EFCAB11: variants seen among roughly 807,000 people sequenced by gnomAD.
EFCAB11 encodes the protein EF-hand calcium-binding domain-containing protein 11.
EFCAB11 carries 14 observed loss-of-function variants against 23.0 expected under a neutral mutation model. The ratio of observed to expected loss-of-function variants is 0.61; its 90% CI spans 0.40 to 0.95. The LOEUF (loss-of-function observed/expected upper bound fraction) is 0.95, where lower values mean the gene tolerates loss of function less well. EFCAB11 is among the 40% of genes least tolerant of loss of function. The pLI is 0.00. For synonymous variants in EFCAB11, 65 were observed against 66.6 expected (o/e 0.98, Z 0.11); for missense variants, 198 against 195.8 (o/e 1.01, Z -0.07).
At chr14:89,840,622 C>T (rs924571472) in intron 5 of EFCAB11, among the ~76,000 whole-genome samples, 5 of 152,066 alleles carry the variant, frequency 3.3e-5, no homozygotes, top group Admixed American at 2.6e-4. Context: ...CATTCATCTG[C>T]TTTTTTTCAA....
At chr14:89,836,549 C>G (rs1364162943) in intron 5 of EFCAB11, 1 of 456,528 alleles carries the variant, frequency 2.2e-6, no homozygotes, top group Admixed American at 2.4e-5. Context: ...GGGAGCAGGG[C>G]TAGGGACCAG....
At chr14:89,903,579 G>T (rs1238864615) in intron 5 of EFCAB11, among the ~76,000 whole-genome samples, 1 of 151,610 alleles carries the variant, frequency 6.6e-6, no homozygotes, top group South Asian at 2.1e-4. Context: ...GAGAAGGGGG[G>T]GGGCAATTCT....
rs758181723 is a variant in EFCAB11, at chr14:89,931,533, T to C, written c.410+8A>G. The C allele has an allele frequency of 1.9e-6, 3 of 1,610,290 alleles. No homozygotes were observed. The South Asian group carries it at 3.3e-5, about 18-fold the overall frequency. ...AAGGTGGTGTACAGAAGGATTTTGA[T>C]GCCTTACCTGAATACCTCAAGAACA... On this transcript the variant is annotated splice_region_variant and intron_variant, in intron 5 of 5. Transcript: ENST00000316738.
At chr14:89,954,746 A>G, upstream of EFCAB11, 1 of 1,533,894 alleles carries the variant, frequency 6.5e-7, no homozygotes. Context: ...GGCCACGCCC[A>G]CCGCGGCTCA....
At chr14:89,801,376 A>G (rs1395532990) in intron 5 of EFCAB11, among the ~76,000 whole-genome samples, 2 of 152,142 alleles carry the variant, frequency 1.3e-5, no homozygotes, top group Non-Finnish European at 2.9e-5. Context: ...GAGTCAGGAG[A>G]TGAGCTCTGT....
intron 5 of EFCAB11, among the ~76,000 whole-genome samples, chr14:89,872,389 G>A (rs1888305319): frequency 6.6e-6 from 1 of 152,202 alleles, no homozygotes; most frequent in African/African-American, 2.4e-5. Context: ...GCATGGGTGG[G>A]GCACAGTGCA....
chr14:89,869,001 A>C (rs1888185103), intron 5 of EFCAB11, among the ~76,000 whole-genome samples: 6 of 152,068 alleles, frequency 3.9e-5, no homozygotes, highest in Admixed American at 3.9e-4. Flanking sequence ...TAGGAGTTTG[A>C]GACCAGCCTG....
chr14:89,847,543 C>T (rs1233921038), intron 5 of EFCAB11, among the ~76,000 whole-genome samples: 1 of 151,948 alleles, frequency 6.6e-6, no homozygotes, highest in Non-Finnish European at 1.5e-5. Context: ...AGTTTAAGAC[C>T]AGCCTGACCA....
chr14:89,929,353 T>C (rs906319008), intron 5 of EFCAB11, among the ~76,000 whole-genome samples: 1 of 151,994 alleles, frequency 6.6e-6, no homozygotes, highest in Non-Finnish European at 1.5e-5. Context: ...CCAGGCCGAA[T>C]TTCTGTTTTT....
At chr14:89,867,908 T>G (rs1307235042) in intron 5 of EFCAB11, among the ~76,000 whole-genome samples, 2 of 152,116 alleles carry the variant, frequency 1.3e-5, no homozygotes, top group African/African-American at 4.8e-5. Context: ...CAGAAGAAAG[T>G]TCCCCCCGCT....
chr14:89,831,485 T>C (rs1886881807), intron 5 of EFCAB11, among the ~76,000 whole-genome samples: 1 of 152,182 alleles, frequency 6.6e-6, no homozygotes, highest in African/African-American at 2.4e-5. Flanking sequence ...ACTACAATAA[T>C]ATGAAATGTT....
chr14:89,865,809 C>T (rs191778702), intron 5 of EFCAB11, among the ~76,000 whole-genome samples: 29 of 144,136 alleles, frequency 2.0e-4, no homozygotes, highest in East Asian at 4.1e-4. Context: ...GGATTACAGG[C>T]GCCCACCACC....
chr14:89,821,828 T>C (rs1011901915), intron 5 of EFCAB11, among the ~76,000 whole-genome samples: 3 of 152,208 alleles, frequency 2.0e-5, no homozygotes, highest in Non-Finnish European at 2.9e-5. Context: ...CATGTAATAA[T>C]GAGCAATAAT....
chr14:89,826,418 A>C (rs908847368), intron 5 of EFCAB11, among the ~76,000 whole-genome samples: 8 of 152,136 alleles, frequency 5.3e-5, no homozygotes, highest in Non-Finnish European at 1.2e-4. Context: ...ACTGGAACAC[A>C]GAGGGGAGGA....
chr14:89,952,196 C>T (rs1207345821), intron 2 of EFCAB11, among the ~76,000 whole-genome samples: 7 of 152,092 alleles, frequency 4.6e-5, no homozygotes, highest in Non-Finnish European at 8.8e-5. Context: ...TAGTGACCTG[C>T]GGTTACTAAA....
intron 5 of EFCAB11, among the ~76,000 whole-genome samples, chr14:89,812,822 A>G (rs1886190703): frequency 6.6e-6 from 1 of 152,254 alleles, no homozygotes; most frequent in South Asian, 2.1e-4. Flanking sequence ...AAACCAACCA[A>G]GAATATGGAA....
At chr14:89,949,788 C>T (rs930380730) in intron 3 of EFCAB11, among the ~76,000 whole-genome samples, 4 of 152,174 alleles carry the variant, frequency 2.6e-5, no homozygotes, top group South Asian at 2.1e-4. Context: ...TACATTTCCA[C>T]GTGGCTGGAG....
chr14:89,910,650 A>ATAC (rs1889649016), intron 5 of EFCAB11, among the ~76,000 whole-genome samples: 6 of 137,088 alleles, frequency 4.4e-5, no homozygotes, highest in Admixed American at 7.3e-5. Context: ...TACATACATA[A>ATAC]AAATGTCTAG....
chr14:89,864,786 T>C (rs1336611807), intron 5 of EFCAB11, among the ~76,000 whole-genome samples: 1 of 152,154 alleles, frequency 6.6e-6, no homozygotes, highest in Admixed American at 6.5e-5. Flanking sequence ...AAAATACAAA[T>C]ATCCCTATGC....
Sources: allele counts gnomAD v4.1 joint callset (sites outside exome capture counted in the v4.1 genomes callset), GRCh38; gene constraint gnomAD v4.1.1; transcripts MANE v1.5; gene names NCBI Gene and HGNC (gene_info 2026-07-23, HGNC 2026-07-21).